The following PDP1 variants were observed in gnomAD, a reference collection of about 807,000 sequenced individuals.
PDP1 encodes the protein pyruvate dehyrogenase phosphatase catalytic subunit 1.
A neutral mutation model predicts 37.1 loss-of-function variants in PDP1; 14 were observed. The observed-to-expected ratio is 0.38, with a 90% CI of 0.25 to 0.59. The LOEUF (loss-of-function observed/expected upper bound fraction) is 0.59, where lower values mean the gene tolerates loss of function less well. Among genes scored for constraint, PDP1 ranks in the 20% least tolerant of loss-of-function variants. The probability of loss-of-function intolerance (pLI) is 0.67; values close to 1 mark genes in which losing one functional copy is unlikely to be tolerated. For missense variants in PDP1, 544 were observed against 655.3 expected (o/e 0.83, Z 1.85); for synonymous variants, 251 against 243.3 (o/e 1.03, Z -0.29).
chr8:93,920,579 C>G lies in PDP1; in HGVS notation c.-44-1437C>G, dbSNP rs200588078. 35 of 953,178 alleles carry G rather than the reference C, an allele frequency of 3.7e-5. No individual in the cohort carries two copies. The East Asian group carries it at 1.5e-3, about 42-fold the overall frequency. 59.0% of individuals were successfully genotyped at this position (953,178 alleles called of 1,614,324 possible). A position where few individuals can be genotyped will look rare whatever the true frequency, so the allele number is the denominator to read the frequency against. On this transcript the variant is annotated intron_variant, in intron 1 of 1. Coordinates refer to ENST00000297598, the MANE Select transcript of PDP1 (RefSeq NM_018444.4). ...ATTAATGATATATTCATTAAATTTC[C>G]CAAATAAATGCCCAGAAATTATTTT...
At chr8:93,918,339 T>G (rs1174342403) in intron 1 of PDP1, among the ~76,000 whole-genome samples, 1 of 152,198 alleles carries the variant, frequency 6.6e-6, no homozygotes, top group Non-Finnish European at 1.5e-5. Flanking sequence ...CTTTTCTTTT[T>G]CATTTACATC....
In PDP1 at chr8:93,916,966, T is replaced by TGA. The variant is rs752725428; in HGVS notation, c.-156_-155dup. 4.2e-5 allele frequency: 19 copies of TGA among 454,342 alleles called. No homozygotes were observed. The highest frequency in any genetic ancestry group is 7.8e-5 in the Non-Finnish European group (18 of 231,464). The allele number at this position is 454,342 out of a possible 1,614,324, so 28.1% of individuals were successfully genotyped here. A position where few individuals can be genotyped will look rare whatever the true frequency, so the allele number is the denominator to read the frequency against. Reference sequence around the variant, plus strand: ...GGGAGCAGAGTGGGCAGGCCGGGGGTGAGGGCTCGCGCTCCGGGAGCTGCA... The same window carrying TGA: ...GGGAGCAGAGTGGGCAGGCCGGGGGTGAGAGGGCTCGCGCTCCGGGAGCTGCA... On this transcript the variant is annotated 5_prime_UTR_variant, in exon 1 of 2. Coordinates refer to ENST00000297598, the MANE Select transcript of PDP1 (RefSeq NM_018444.4).
At position 93,923,284 on chromosome 8, in the gene PDP1, C is replaced by A; in HGVS notation, c.1225C>A (p.Gln409Lys). 1 of 1,614,150 alleles carries A rather than the reference C, an allele frequency of 6.2e-7. No individual in the cohort carries two copies. ...GGTAACTTACCACCGATTAAGGCCA[C>A]AGGATAAGTTTCTGGTGTTGGCTAC... ...PEVTYHRLRP[Q>K]DKFLVLATDG... The change falls in exon 2 of 2, where the codon CAG (glutamine) becomes AAG (lysine). Residue 409 changes from glutamine to lysine, a missense_variant. This residue lies in a region of PDP1 where 159 missense variants were observed against 165.5 expected (regional missense o/e 0.96). Coordinates refer to ENST00000297598, the MANE Select transcript of PDP1 (RefSeq NM_018444.4). This position sits in a 1 kb window ranked among gnomAD's most constrained non-coding sequence, Gnocchi z 4.3.
intron 1 of PDP1, chr8:93,917,757 CT>C (rs1294179742): frequency 2.8e-5 from 43 of 1,533,562 alleles, no homozygotes; most frequent in Non-Finnish European, 1.9e-5. Flanking sequence ...ATTCACCGGG[CT>C]GGAGCGAGAC....
At chr8:93,917,711 C>G in intron 1 of PDP1, 1 of 1,105,628 alleles carries the variant, frequency 9.0e-7, no homozygotes, top group South Asian at 1.5e-5. Flanking sequence ...ACCCCTTTAT[C>G]CCTCCTCCAT....
At chr8:93,917,528 A>G (rs974163989) in intron 1 of PDP1, among the ~76,000 whole-genome samples, 2 of 150,902 alleles carry the variant, frequency 1.3e-5, no homozygotes, top group Admixed American at 6.6e-5. Context: ...CGGGCCGGGC[A>G]GGGCGGGGCG....
At position 93,925,414 on chromosome 8, in the gene PDP1, G is replaced by A. The variant is rs1810405807; in HGVS notation, c.*1741G>A. ...CTATATATTTATTTCTAAATGTTTTGACTGGGCATTTTTCTTTTAATGAAA... is the reference window on the plus strand; with the variant it reads ...CTATATATTTATTTCTAAATGTTTTAACTGGGCATTTTTCTTTTAATGAAA... On this transcript the variant is annotated 3_prime_UTR_variant, in exon 2 of 2. Coordinates refer to ENST00000297598, the MANE Select transcript of PDP1 (RefSeq NM_018444.4). 6.0e-6 allele frequency: 1 copy of A among 165,614 alleles called. No homozygotes were observed. The highest frequency in any genetic ancestry group is 1.5e-5 in the Non-Finnish European group (1 of 67,860). 10.3% of individuals were successfully genotyped at this position (165,614 alleles called of 1,614,324 possible). A position where few individuals can be genotyped will look rare whatever the true frequency, so the allele number is the denominator to read the frequency against.
chr8:93,922,388 T>C lies in PDP1; in HGVS notation c.329T>C (p.Leu110Pro). The change falls in exon 2 of 2, where the codon CTT becomes CCT. Residue 110 changes from leucine to proline, a missense_variant. Physicochemically the swap from Leu to Pro is moderately conservative, Grantham distance 98. Coordinates refer to ENST00000297598, the MANE Select transcript of PDP1 (RefSeq NM_018444.4). This position sits in a 1 kb window ranked among gnomAD's most constrained non-coding sequence, Gnocchi z 4.0. ...EFDGKNVSSI[L>P]GFDSNQLPAN... ...GACGGCAAAAATGTCAGTTCTATCC[T>C]TGGATTTGACAGCAATCAGCTGCCT... The C allele has an allele frequency of 6.2e-7, 1 of 1,614,194 alleles. No homozygotes were observed. The highest frequency in any genetic ancestry group is 2.2e-5 in the East Asian group (1 of 44,888).
Position 93,923,695 on chromosome 8 carries a change from A to G in PDP1, c.*22A>G, listed in dbSNP as rs555465685. The G allele has an allele frequency of 1.3e-6, 2 of 1,565,090 alleles. No homozygotes were observed. Among genetic ancestry groups the G allele is most frequent in the East Asian group, 4.5e-5 (2 of 44,622 alleles). On this transcript the variant is annotated 3_prime_UTR_variant, in exon 2 of 2. Transcript: ENST00000297598. The surrounding 1 kb of genome is among the most constrained non-coding windows in gnomAD (Gnocchi z 4.3). ...ATAGTGAGTGGCTCTTTCACTGGCA[A>G]TTCTCAAATGATATACATTTAAAGG...
intron 1 of PDP1, chr8:93,918,031 C>G: frequency 6.9e-7 from 1 of 1,455,600 alleles, no homozygotes; most frequent in South Asian, 1.2e-5. Flanking sequence ...GATGAATCAG[C>G]GTGGTATTAA....
intron 1 of PDP1, chr8:93,921,802 T>G: frequency 2.0e-6 from 1 of 493,942 alleles, no homozygotes. Context: ...GAGCCAGGAG[T>G]TCAGTCGTGG....
chr8:93,924,259 A>G lies in PDP1; in HGVS notation c.*586A>G, dbSNP rs919681917. 1.8e-5 allele frequency: 3 copies of G among 168,056 alleles called. No homozygotes were observed. Among genetic ancestry groups the G allele is most frequent in the Admixed American group, 6.4e-5 (1 of 15,514 alleles). The allele number at this position is 168,056 out of a possible 1,614,324, so 10.4% of individuals were successfully genotyped here. A position where few individuals can be genotyped will look rare whatever the true frequency, so the allele number is the denominator to read the frequency against. ...TTGACTGGAATGCTTCTTAAGTGGA[A>G]TAACTATACTCCGTTATCCACCCGA... On this transcript the variant is annotated 3_prime_UTR_variant, in exon 2 of 2. Transcript: ENST00000297598.
Position 93,918,015 on chromosome 8 carries a change from G to A in PDP1, c.-45+936G>A, listed in dbSNP as rs1157410172. On this transcript the variant is annotated intron_variant, in intron 1 of 1. Transcript: ENST00000297598. Reference sequence around the variant, plus strand: ...GGTGACAGATTTTTGTGTATGGATGGTTTTAGATGAATCAGCGTGGTATTA... The same window carrying A: ...GGTGACAGATTTTTGTGTATGGATGATTTTAGATGAATCAGCGTGGTATTA... 3.9e-6 allele frequency: 6 copies of A among 1,550,626 alleles called. No individual in the cohort carries two copies. The East Asian group carries it at 9.0e-5, about 23-fold the overall frequency.
rs1019286799 is a variant in PDP1, at chr8:93,926,035, A to G, written c.*2362A>G. On this transcript the variant is annotated 3_prime_UTR_variant, in exon 2 of 2. Transcript: ENST00000297598. ...GTACAGAATGGTTGGAGAAATGCCTATGGTGAATTAAAGCTTCATATCTGC... is the reference window on the plus strand; with the variant it reads ...GTACAGAATGGTTGGAGAAATGCCTGTGGTGAATTAAAGCTTCATATCTGC... 3 of 166,084 alleles carry G rather than the reference A, an allele frequency of 1.8e-5. No homozygotes were observed. Among genetic ancestry groups the G allele is most frequent in the South Asian group, 2.1e-4 (1 of 4,832 alleles). 10.3% of individuals were successfully genotyped at this position (166,084 alleles called of 1,614,324 possible).
chr8:93,926,036 T>C lies in PDP1; in HGVS notation c.*2363T>C, dbSNP rs1379723509. 1 of 166,072 alleles carries C rather than the reference T, an allele frequency of 6.0e-6. No individual in the cohort carries two copies. The highest frequency in any genetic ancestry group is 1.9e-4 in the East Asian group (1 of 5,206). The allele number at this position is 166,072 out of a possible 1,614,324, so 10.3% of individuals were successfully genotyped here. On this transcript the variant is annotated 3_prime_UTR_variant, in exon 2 of 2. Coordinates refer to ENST00000297598, the MANE Select transcript of PDP1 (RefSeq NM_018444.4). ...TACAGAATGGTTGGAGAAATGCCTA[T>C]GGTGAATTAAAGCTTCATATCTGCT...
chr8:93,919,030 C>A (rs1207042149), intron 1 of PDP1: 4 of 284,716 alleles, frequency 1.4e-5, no homozygotes, highest in Non-Finnish European at 2.1e-5. Context: ...ATGTACTAAG[C>A]CTCTGCATAA....
intron 1 of PDP1, chr8:93,919,877 C>T (rs1810212584): frequency 6.6e-6 from 1 of 151,978 alleles, no homozygotes; most frequent in Non-Finnish European, 1.5e-5. Context: ...GTCATGTGGC[C>T]CAACATTTGA....
At chr8:93,920,917 T>C (rs1810249158) in intron 1 of PDP1, 1 of 977,856 alleles carries the variant, frequency 1.0e-6, no homozygotes, top group Non-Finnish European at 1.2e-6. Context: ...TTTCTAGGGG[T>C]TAATTCTACT....
At chr8:93,918,060 A>G in intron 1 of PDP1, 1 of 1,159,006 alleles carries the variant, frequency 8.6e-7, no homozygotes, top group Non-Finnish European at 1.2e-6. Context: ...ATAGATTGGA[A>G]AAAGGGACAA....
Sources: gnomAD v4.1 joint callset for allele counts (sites outside exome capture counted in the v4.1 genomes callset) on GRCh38, gnomAD v4.1.1 for gene constraint, gnomAD v4.1.1 regional missense constraint, Gnocchi (gnomAD v3.1) non-coding constraint, MANE v1.5 for transcripts, NCBI Gene and HGNC (gene_info 2026-07-23, HGNC 2026-07-21) for gene names.